SLC4A7: variants seen among roughly 807,000 people sequenced by gnomAD.
SLC4A7 encodes the protein solute carrier family 4 member 7, also known as sodium bicarbonate cotransporter 3.
In SLC4A7, 51 loss-of-function variants were observed where a neutral mutation model predicts 137.6. The ratio of observed to expected loss-of-function variants is 0.37; its 90% CI spans 0.30 to 0.47. The LOEUF is 0.47. SLC4A7 is among the 20% of genes least tolerant of loss of function. The pLI is 1.00. For synonymous variants in SLC4A7, 542 were observed against 518.6 expected, an observed-to-expected ratio of 1.05 and a Z score of -0.61; for missense variants, 1,247 against 1,525.4, an observed-to-expected ratio of 0.82 and a Z score of 3.04.
intron 1 of SLC4A7, among the ~76,000 whole-genome samples, chr3:27,466,189 C>T (rs1228281147): frequency 2.6e-5 from 4 of 151,232 alleles, no homozygotes; most frequent in African/African-American, 9.7e-5. Flanking sequence ...CGGTGGCTCA[C>T]GCCTGTAATC....
At chr3:27,461,362 G>A (rs2058685747) in intron 1 of SLC4A7, among the ~76,000 whole-genome samples, 2 of 151,758 alleles carry the variant, frequency 1.3e-5, no homozygotes, top group Admixed American at 6.6e-5. Context: ...CCACGCCACT[G>A]CACTCCAACC....
chr3:27,398,378 C>A, intron 16 of SLC4A7, 25 bp from the exon 17 acceptor site: 1 of 1,577,374 alleles, frequency 6.3e-7, no homozygotes. Context: ...AAAGAAAAAG[C>A]AGAATGGGGG....
Position 27,376,707 on chromosome 3 carries a change from G to A in SLC4A7, c.*57C>T. 2.0e-6 allele frequency: 2 copies of A among 1,025,328 alleles called. No individual in the cohort carries two copies. The highest frequency in any genetic ancestry group is 3.0e-6 in the Non-Finnish European group (2 of 657,312). The allele number at this position is 1,025,328 out of a possible 1,614,324, so 63.5% of individuals were successfully genotyped here. On this transcript the variant is annotated 3_prime_UTR_variant, in exon 26 of 26. Transcript: ENST00000454389. ...ACAATATTCTTATATATAGTGACAT[G>A]ATACGCACACATTACATATGTATAT... is the stretch of plus-strand genomic sequence containing the variant.
At chr3:27,388,517 T>G (rs1314261329) in intron 22 of SLC4A7, among the ~76,000 whole-genome samples, 10 of 152,164 alleles carry the variant, frequency 6.6e-5, no homozygotes, top group Non-Finnish European at 1.3e-4. Context: ...CAGTTTCTTC[T>G]ATGCAACTGG....
rs1298904398 is a variant in SLC4A7 at position 27,434,112 on chromosome 3, ATG to A, written c.590-10_590-9del. The stretch of plus-strand genomic sequence containing the variant: ...TGTTGTCTAATACCATATCTATTCA[ATG>A]AAAAAAAAAATAAATTACTAAACAC... On this transcript the variant is annotated splice_polypyrimidine_tract_variant and intron_variant, in intron 5 of 25. Transcript: ENST00000454389. 2 of 1,571,282 alleles carry A rather than the reference ATG, an allele frequency of 1.3e-6. No homozygotes were observed. The highest frequency in any genetic ancestry group is 1.9e-5 in the Admixed American group (1 of 51,818).
intron 11 of SLC4A7, among the ~76,000 whole-genome samples, chr3:27,413,359 A>G (rs570100637): frequency 1.3e-5 from 2 of 152,330 alleles, no homozygotes; most frequent in South Asian, 4.1e-4. Flanking sequence ...TTAAAATCAA[A>G]TTATTCCACA....
intron 11 of SLC4A7, among the ~76,000 whole-genome samples, chr3:27,412,580 G>T (rs758907324): frequency 6.6e-6 from 1 of 152,048 alleles, no homozygotes; most frequent in Non-Finnish European, 1.5e-5. Context: ...ATTTGAAAAC[G>T]TCAAAATCTC....
At chr3:27,477,067 T>G (rs1172260507) in intron 1 of SLC4A7, among the ~76,000 whole-genome samples, 2 of 152,164 alleles carry the variant, frequency 1.3e-5, no homozygotes, top group Non-Finnish European at 2.9e-5. Context: ...ACTTACATAA[T>G]AACACCTTTT....
chr3:27,407,537 G>C (rs1390322661), intron 13 of SLC4A7, among the ~76,000 whole-genome samples: 2 of 150,376 alleles, frequency 1.3e-5, no homozygotes, highest in African/African-American at 4.9e-5. Context: ...CTCACATTCA[G>C]AAGTTTCCAT....
At chr3:27,434,452 C>T (rs61697480) in intron 5 of SLC4A7, among the ~76,000 whole-genome samples, 19,469 of 152,072 alleles carry the variant, frequency 0.13, 1,230 homozygotes, top group Middle Eastern at 0.19. Context: ...TATTGCCAAA[C>T]CTCATATTCT....
chr3:27,449,195 T>C (rs1026533808), intron 2 of SLC4A7, among the ~76,000 whole-genome samples: 1 of 151,918 alleles, frequency 6.6e-6, no homozygotes, highest in Non-Finnish European at 1.5e-5. Context: ...CCACCGCACC[T>C]GGCCTAAAAA....
intron 21 of SLC4A7, among the ~76,000 whole-genome samples, chr3:27,390,890 T>C (rs1553678018): frequency 6.6e-6 from 1 of 152,114 alleles, no homozygotes; most frequent in Non-Finnish European, 1.5e-5. Context: ...GTGGCATGAC[T>C]ACAGCTCACA....
At chr3:27,446,043 C>T (rs1356034960) in intron 3 of SLC4A7, among the ~76,000 whole-genome samples, 1 of 134,700 alleles carries the variant, frequency 7.4e-6, no homozygotes, top group Non-Finnish European at 1.5e-5. Context: ...TGTATTCTCA[C>T]TATACACAAT....
At position 27,434,114 on chromosome 3, in the gene SLC4A7, G is replaced by GAA; in HGVS notation, c.590-12_590-11dup. ...TTGTCTAATACCATATCTATTCAAT[G>GAA]AAAAAAAAAATAAATTACTAAACAC... On this transcript the variant is annotated splice_polypyrimidine_tract_variant and intron_variant, in intron 5 of 25. Coordinates refer to ENST00000454389, the MANE Select transcript of SLC4A7 (RefSeq NM_001321103.2). 4 of 1,440,118 alleles carry GAA rather than the reference G, an allele frequency of 2.8e-6. No homozygotes were observed. The highest frequency in any genetic ancestry group is 1.4e-5 in the South Asian group (1 of 73,000). The allele number at this position is 1,440,118 out of a possible 1,614,324, so 89.2% of individuals were successfully genotyped here.
At chr3:27,409,306 C>A (rs560492450) in intron 13 of SLC4A7, 50 bp downstream of exon 13, 1 of 1,390,992 alleles carries the variant, frequency 7.2e-7, no homozygotes, top group East Asian at 2.3e-5. Flanking sequence ...CATACAGACA[C>A]TTGCCTCTGA....
Position 27,403,318 on chromosome 3 carries a change from A to G in SLC4A7, c.2142T>C (p.Ile714=). The part of the protein sequence containing the change: ...SIGLWTSFLC[I]VLVATDASSL... ...TGCTTGCATCTGTTGCAACCAAAACAATGCACAAAAAAGAAGTCCACAGAC... is the reference window on the plus strand; with the variant it reads ...TGCTTGCATCTGTTGCAACCAAAACGATGCACAAAAAAGAAGTCCACAGAC... The change falls in exon 15 of 26, where the codon ATT becomes ATC. Residue 714 remains isoleucine, a synonymous_variant. Coordinates refer to ENST00000454389, the MANE Select transcript of SLC4A7 (RefSeq NM_001321103.2). The G allele has an allele frequency of 1.2e-6, 2 of 1,613,614 alleles. No homozygotes were observed. The highest frequency in any genetic ancestry group is 1.7e-6 in the Non-Finnish European group (2 of 1,179,594).
intron 25 of SLC4A7, 53 bp downstream of exon 25, chr3:27,379,196 T>G: frequency 1.2e-6 from 1 of 857,722 alleles, no homozygotes; most frequent in South Asian, 1.4e-5. Flanking sequence ...GAAGCTATCA[T>G]AAGTAAATGA....
At chr3:27,483,326 G>C (rs2059794445) in intron 1 of SLC4A7, among the ~76,000 whole-genome samples, 1 of 152,250 alleles carries the variant, frequency 6.6e-6, no homozygotes, top group Non-Finnish European at 1.5e-5. Flanking sequence ...GTCTCAGTAG[G>C]AAACGCGATC....
At chr3:27,466,129 G>A (rs1256715750) in intron 1 of SLC4A7, among the ~76,000 whole-genome samples, 1 of 152,014 alleles carries the variant, frequency 6.6e-6, no homozygotes, top group Non-Finnish European at 1.5e-5. Flanking sequence ...AAAGCAGAGG[G>A]CCCATGTTTT....
Sources: allele counts gnomAD v4.1 joint callset (sites outside exome capture counted in the v4.1 genomes callset), GRCh38; gene constraint gnomAD v4.1.1; transcripts MANE v1.5; gene names NCBI Gene and HGNC (gene_info 2026-07-23, HGNC 2026-07-21).